Variants in ATRNL1 observed in about 807,000 individuals in gnomAD.
The protein encoded by ATRNL1 is attractin-like protein 1.
A neutral mutation model predicts 182.7 loss-of-function variants in ATRNL1; 95 were observed. The ratio of observed to expected loss-of-function variants is 0.52; its 90% CI spans 0.44 to 0.62. The LOEUF (loss-of-function observed/expected upper bound fraction) is 0.62, where lower values mean the gene tolerates loss of function less well. Among genes scored for constraint, ATRNL1 ranks in the 20% least tolerant of loss-of-function variants. The pLI, the probability that ATRNL1 is intolerant of heterozygous loss-of-function variation, is 0.00. For synonymous variants in ATRNL1, 576 were observed against 568.3 expected, an observed-to-expected ratio of 1.01 and a Z score of -0.19; for missense variants, 1,471 against 1,679.5, an observed-to-expected ratio of 0.88 and a Z score of 2.17.
chr10:115,439,641 A>G (rs1249096228), intron 21 of ATRNL1, among the ~76,000 whole-genome samples: 1 of 151,946 alleles, frequency 6.6e-6, no homozygotes, highest in Admixed American at 6.6e-5. Flanking sequence ...CTTAAATGAT[A>G]AGAAGGAGTT....
chr10:115,628,732 C>A (rs1282214872), intron 26 of ATRNL1, among the ~76,000 whole-genome samples: 2 of 152,064 alleles, frequency 1.3e-5, no homozygotes, highest in African/African-American at 4.8e-5. Flanking sequence ...ATTTGATCAA[C>A]TTTGAGGTAA....
chr10:115,146,240 T>G (rs1435036820), intron 5 of ATRNL1, among the ~76,000 whole-genome samples: 1 of 152,124 alleles, frequency 6.6e-6, no homozygotes, highest in Admixed American at 6.5e-5. Context: ...CGTAGTAGTA[T>G]AGATGAAATA....
intron 20 of ATRNL1, among the ~76,000 whole-genome samples, chr10:115,422,621 T>C (rs1448922772): frequency 6.6e-6 from 1 of 152,196 alleles, no homozygotes; most frequent in Non-Finnish European, 1.5e-5. Flanking sequence ...GAAAGCAGTT[T>C]AGCAATTTCT....
chr10:115,223,029 T>A (rs1554897803), intron 9 of ATRNL1, among the ~76,000 whole-genome samples: 2 of 152,126 alleles, frequency 1.3e-5, no homozygotes. Flanking sequence ...CCTGTAATCC[T>A]AGCACTTTGG....
At chr10:115,368,497 G>A (rs186669378) in intron 19 of ATRNL1, among the ~76,000 whole-genome samples, 1,960 of 152,256 alleles carry the variant, frequency 0.013, 38 homozygotes, top group African/African-American at 0.044. Context: ...CGTCGCTCAC[G>A]CTGGGAGCTG....
intron 26 of ATRNL1, among the ~76,000 whole-genome samples, chr10:115,644,531 T>C (rs1555031555): frequency 6.6e-6 from 1 of 152,220 alleles, no homozygotes; most frequent in African/African-American, 2.4e-5. Context: ...AAAGTCTGTA[T>C]ACTTTTGCCA....
chr10:115,391,493 A>T (rs187216751), intron 19 of ATRNL1, among the ~76,000 whole-genome samples: 52 of 152,258 alleles, frequency 3.4e-4, no homozygotes, highest in Middle Eastern at 3.4e-3. Context: ...TTGCAGTCCA[A>T]TGAAAAGTTG....
At chr10:115,868,819 A>ATTTTTTTTTTT (rs1555105343) in intron 28 of ATRNL1, among the ~76,000 whole-genome samples, 24 of 98,294 alleles carry the variant, frequency 2.4e-4, no homozygotes, top group Admixed American at 4.8e-4. Flanking sequence ...GCAAGTCTTT[A>ATTTTTTTTTTT]TTCTTTTTTT....
intron 28 of ATRNL1, among the ~76,000 whole-genome samples, chr10:115,855,337 C>T (rs192508488): frequency 3.3e-5 from 5 of 152,168 alleles, no homozygotes; most frequent in Non-Finnish European, 7.3e-5. Context: ...TTCCTTGAGA[C>T]CTTTTCAGTC....
chr10:115,738,123 A>C (rs1185401208), intron 27 of ATRNL1, among the ~76,000 whole-genome samples: 4 of 69,602 alleles, frequency 5.7e-5, no homozygotes, highest in Non-Finnish European at 1.2e-4. Context: ...TTAGAAGATA[A>C]TGATTTTTTT....
rs138272709 is a variant in ATRNL1, at chr10:115,266,855, A to G, written c.1831A>G (p.Lys611Glu). ...SVLLNDILVY[K>E]PPNCKAFRDE... ...ACTCCTTAATGATATCCTTGTATAC[A>G]AGCCTCCAAATTGCAAGGCTTTCAG... is the stretch of plus-strand genomic sequence containing the variant. Residue 611 changes from lysine to glutamate, a missense_variant, in exon 12 of 29, where the codon AAG becomes GAG. Around this residue, in one of 3 missense-constraint regions of ATRNL1, gnomAD observed 1,031 missense variants for 1,156.0 expected, o/e 0.89. Coordinates refer to ENST00000355044, the MANE Select transcript of ATRNL1 (RefSeq NM_207303.4). 2 of 1,612,332 alleles carry G rather than the reference A, an allele frequency of 1.2e-6. No homozygotes were observed. Among genetic ancestry groups the G allele is most frequent in the Non-Finnish European group, 8.5e-7 (1 of 1,178,854 alleles).
In ATRNL1 at chr10:115,640,853, A is replaced by G. The variant is rs146297040; in HGVS notation, c.3796-86395A>G. On this transcript the variant is annotated intron_variant, in intron 26 of 28. Transcript: ENST00000355044. Reference sequence around the variant, plus strand: ...AATCATGAAGTCTTTGCCCATGCCTATGTCCTGAATGGTATTGCCTAGGTT... The same window carrying G: ...AATCATGAAGTCTTTGCCCATGCCTGTGTCCTGAATGGTATTGCCTAGGTT... 7.4e-3 allele frequency among the ~76,000 whole-genome samples: 1,120 copies of G among 152,274 alleles called. 15 individuals are homozygous for G. Among genetic ancestry groups the G allele is most frequent in the African/African-American group, 0.025 (1,054 of 41,556 alleles).
At chr10:115,901,608 A>G (rs1235075967) in intron 28 of ATRNL1, among the ~76,000 whole-genome samples, 1 of 152,086 alleles carries the variant, frequency 6.6e-6, no homozygotes, top group East Asian at 1.9e-4. Context: ...TTGTCTTAAA[A>G]TATTAAATCA....
chr10:115,561,690 G>GTGTGTGTGTGTGTGT (rs1853734733), intron 26 of ATRNL1, among the ~76,000 whole-genome samples: 1 of 50,444 alleles, frequency 2.0e-5, no homozygotes. Flanking sequence ...TGTGTGTGTG[G>GTGTGTGTGTGTGTGT]GTGTGTGTGT....
intron 9 of ATRNL1, among the ~76,000 whole-genome samples, chr10:115,236,938 A>C (rs1277884876): frequency 6.6e-6 from 1 of 152,142 alleles, no homozygotes; most frequent in Non-Finnish European, 1.5e-5. Context: ...GCAACCACTG[A>C]TATTTTTACT....
At chr10:115,821,122 G>C (rs1950285929) in intron 27 of ATRNL1, among the ~76,000 whole-genome samples, 1 of 152,094 alleles carries the variant, frequency 6.6e-6, no homozygotes, top group Non-Finnish European at 1.5e-5. Context: ...GTAGAACTAT[G>C]AGTCAATTAA....
intron 24 of ATRNL1, among the ~76,000 whole-genome samples, chr10:115,481,179 A>G (rs1592717855): frequency 6.6e-6 from 1 of 150,526 alleles, no homozygotes; most frequent in African/African-American, 2.4e-5. Context: ...TTTATATAAC[A>G]TATTGTAAAC....
chr10:115,759,487 G>A (rs980051755), intron 27 of ATRNL1, among the ~76,000 whole-genome samples: 5 of 152,024 alleles, frequency 3.3e-5, no homozygotes, highest in Admixed American at 6.6e-5. Context: ...ATGACCCCTG[G>A]GGGAGTGACC....
chr10:115,392,427 C>T (rs1226945150), intron 19 of ATRNL1, among the ~76,000 whole-genome samples: 4 of 152,022 alleles, frequency 2.6e-5, no homozygotes, highest in African/African-American at 9.7e-5. Context: ...TTTGCAAACA[C>T]GTGTGTAAGT....
Sources: gnomAD v4.1 joint callset for allele counts (sites outside exome capture counted in the v4.1 genomes callset) on GRCh38, gnomAD v4.1.1 for gene constraint, gnomAD v4.1.1 regional missense constraint, MANE v1.5 for transcripts, NCBI Gene and HGNC (gene_info 2026-07-23, HGNC 2026-07-21) for gene names.